CEP85L: variants seen among roughly 807,000 people sequenced by gnomAD.
CEP85L encodes centrosomal protein of 85 kDa-like.
A neutral mutation model predicts 100.3 loss-of-function variants in CEP85L; 60 were observed. That is an observed-to-expected ratio of 0.60 (90% CI 0.49 to 0.74). The LOEUF (loss-of-function observed/expected upper bound fraction) is 0.74, where lower values mean the gene tolerates loss of function less well. Ranked by LOEUF, CEP85L falls within the 30% of genes least tolerant of loss-of-function variation. The probability of loss-of-function intolerance (pLI) is 0.00; values close to 1 mark genes in which losing one functional copy is unlikely to be tolerated. For missense variants in CEP85L, 973 were observed against 936.2 expected, an observed-to-expected ratio of 1.04 and a Z score of -0.51; for synonymous variants, 319 against 322.7, an observed-to-expected ratio of 0.99 and a Z score of 0.12.
intron 3 of CEP85L, among the ~76,000 whole-genome samples, chr6:118,529,651 AATTATCT>A (rs1410877139): frequency 6.6e-6 from 1 of 151,460 alleles, no homozygotes; most frequent in East Asian, 1.9e-4. Flanking sequence ...TACTAGTATC[AATTATCT>A]ATTAAGTTTC....
At chr6:118,650,246 T>C (rs1053043662) in intron 1 of CEP85L, among the ~76,000 whole-genome samples, 1 of 152,214 alleles carries the variant, frequency 6.6e-6, no homozygotes, top group Non-Finnish European at 1.5e-5. Context: ...CTGCGCAGAA[T>C]GTCCATATAA....
Position 118,565,950 on chromosome 6 carries a change from C to A in CEP85L, c.599G>T (p.Gly200Val), listed in dbSNP as rs1779474689. The A allele has an allele frequency of 6.2e-7, 1 of 1,614,104 alleles. No homozygotes were observed. The highest frequency in any genetic ancestry group is 1.3e-5 in the African/African-American group (1 of 75,024). ...CATACTATCATGTAAACAGCTAGGC[C>A]CAATTGTCCTCAGTTGTGATGTTAA... is the stretch of plus-strand genomic sequence containing the variant. ...KALTSQLRTIGPSCLHDSMEM... is the reference protein window; with the variant it reads ...KALTSQLRTIVPSCLHDSMEM... Residue 200 changes from glycine (G) to valine (V), a missense_variant, in exon 3 of 13, where the codon GGG becomes GTG. By Grantham distance (109) the Gly-to-Val change is moderately radical. Coordinates refer to ENST00000368491, the MANE Select transcript of CEP85L (RefSeq NM_001042475.3).
At chr6:118,632,926 C>T (rs1774256630) in intron 1 of CEP85L, among the ~76,000 whole-genome samples, 1 of 152,164 alleles carries the variant, frequency 6.6e-6, no homozygotes, top group African/African-American at 2.4e-5. Flanking sequence ...CAGTACTCTG[C>T]TCTAGAATAA....
chr6:118,579,078 T>G (rs1780413830), intron 2 of CEP85L, among the ~76,000 whole-genome samples: 1 of 152,162 alleles, frequency 6.6e-6, no homozygotes, highest in African/African-American at 2.4e-5. Context: ...GTATTTATTG[T>G]AGAGACATTG....
chr6:118,514,524 C>CAAAAAAAA (rs561316113), intron 4 of CEP85L, among the ~76,000 whole-genome samples: 1 of 87,524 alleles, frequency 1.1e-5, no homozygotes, highest in Admixed American at 1.4e-4. Context: ...GACACTGTCT[C>CAAAAAAAA]AAAAAAAAAA....
chr6:118,651,374 C>G lies in CEP85L; in HGVS notation c.-105G>C. 1.5e-6 allele frequency: 2 copies of G among 1,366,476 alleles called. No homozygotes were observed. The allele number at this position is 1,366,476 out of a possible 1,614,324, so 84.6% of individuals were successfully genotyped here. ...GCGCGGAGCGTGGGCCTCGGCGACA[C>G]GGGCAGGAGGAAAGGCGGGATGGCT... On this transcript the variant is annotated 5_prime_UTR_variant, in exon 1 of 13. Transcript: ENST00000368491.
chr6:118,528,922 A>G (rs1358071805), intron 3 of CEP85L, among the ~76,000 whole-genome samples: 1 of 152,254 alleles, frequency 6.6e-6, no homozygotes, highest in Non-Finnish European at 1.5e-5. Context: ...AAAGGCATAC[A>G]GAAAAGGAAC....
rs1057436560 is a variant in CEP85L at position 118,572,034 on chromosome 6, T to G, written c.233-5718A>C. Reference sequence around the variant, plus strand: ...ACCACACCTGGCTAACTTTGTATTTTTAGTAGAGACGGGGTTTCTCCATGT... The same window carrying G: ...ACCACACCTGGCTAACTTTGTATTTGTAGTAGAGACGGGGTTTCTCCATGT... On this transcript the variant is annotated intron_variant, in intron 2 of 12. Coordinates refer to ENST00000368491, the MANE Select transcript of CEP85L (RefSeq NM_001042475.3). Among the ~76,000 whole-genome samples the G allele has an allele frequency of 1.1e-3, 170 of 152,110 alleles. 1 individual carries two copies. Among genetic ancestry groups the G allele is most frequent in the African/African-American group, 3.9e-3 (161 of 41,508 alleles).
At chr6:118,511,614 A>G (rs1368271973) in intron 4 of CEP85L, among the ~76,000 whole-genome samples, 199 bp from the exon 5 acceptor site, 2 of 152,180 alleles carry the variant, frequency 1.3e-5, no homozygotes, top group Non-Finnish European at 2.9e-5. Flanking sequence ...AGAAATTTTA[A>G]AACTGTTTTG....
At chr6:118,585,414 G>T (rs1417236832) in intron 2 of CEP85L, among the ~76,000 whole-genome samples, 1 of 152,166 alleles carries the variant, frequency 6.6e-6, no homozygotes, top group Admixed American at 6.5e-5. Context: ...AACAGATGAG[G>T]TAGCCAAAGG....
chr6:118,580,046 A>T (rs1181553331), intron 2 of CEP85L, among the ~76,000 whole-genome samples: 4 of 152,262 alleles, frequency 2.6e-5, no homozygotes, highest in African/African-American at 9.6e-5. Context: ...TACATGAATG[A>T]CATACCTGGT....
chr6:118,543,046 T>C (rs1377992164), intron 3 of CEP85L, among the ~76,000 whole-genome samples: 1 of 152,166 alleles, frequency 6.6e-6, no homozygotes, highest in East Asian at 1.9e-4. Flanking sequence ...TTGTTCCTTC[T>C]TTCTTTAGCC....
chr6:118,690,615 G>A (rs1262454242), intron 1 of CEP85L, among the ~76,000 whole-genome samples: 1 of 152,184 alleles, frequency 6.6e-6, no homozygotes, highest in Non-Finnish European at 1.5e-5. Context: ...CTTTTCATTG[G>A]GATTGCTCTA....
intron 2 of CEP85L, among the ~76,000 whole-genome samples, chr6:118,580,530 G>A (rs1348699588): frequency 2.0e-5 from 3 of 152,232 alleles, no homozygotes; most frequent in Admixed American, 6.5e-5. Context: ...TCAGATGTGA[G>A]GCTTGCTGGT....
chr6:118,664,588 T>C (rs1776074563), intron 1 of CEP85L: 1 of 152,452 alleles, frequency 6.6e-6, no homozygotes. Flanking sequence ...GGAGATGTTC[T>C]CAGGAAACAG....
intron 2 of CEP85L, among the ~76,000 whole-genome samples, chr6:118,618,370 AGGTGTTG>A (rs1443529651): frequency 1.3e-5 from 2 of 152,206 alleles, no homozygotes; most frequent in Non-Finnish European, 2.9e-5. Flanking sequence ...GAATTTAGGC[AGGTGTTG>A]CCATCTGATG....
chr6:118,691,245 T>C (rs1311501412), intron 1 of CEP85L, among the ~76,000 whole-genome samples: 1 of 149,000 alleles, frequency 6.7e-6, no homozygotes, highest in Non-Finnish European at 1.5e-5. Flanking sequence ...TGAAACCCCA[T>C]CTCTAGGCCA....
chr6:118,541,156 C>T (rs758854038), intron 3 of CEP85L, among the ~76,000 whole-genome samples: 2 of 152,162 alleles, frequency 1.3e-5, no homozygotes, highest in Non-Finnish European at 2.9e-5. Context: ...AATACATTAA[C>T]GGGGCAGCCT....
At chr6:118,659,463 C>T (rs1210382240) in intron 1 of CEP85L, among the ~76,000 whole-genome samples, 1 of 152,136 alleles carries the variant, frequency 6.6e-6, no homozygotes, top group Non-Finnish European at 1.5e-5. Context: ...CAAAGTTGGG[C>T]AAGTTATTTA....
Sources: gnomAD v4.1 joint callset for allele counts (sites outside exome capture counted in the v4.1 genomes callset) on GRCh38, gnomAD v4.1.1 for gene constraint, MANE v1.5 for transcripts, NCBI Gene and HGNC (gene_info 2026-07-23, HGNC 2026-07-21) for gene names.